CEP20: variants seen among roughly 807,000 people sequenced by gnomAD.
CEP20 encodes the protein centrosomal protein 20, also known as FGFR1OP N-terminal like.
In CEP20, 18 loss-of-function variants were observed where a neutral mutation model predicts 20.0. The observed-to-expected ratio is 0.90, with a 90% CI of 0.62 to 1.34. The LOEUF (loss-of-function observed/expected upper bound fraction) is 1.34, where lower values mean the gene tolerates loss of function less well. Ranked by LOEUF, CEP20 falls within the 40% of genes most tolerant of loss-of-function variation. The pLI is 0.00. For missense variants in CEP20, 215 were observed against 201.6 expected, an observed-to-expected ratio of 1.07 and a Z score of -0.40; for synonymous variants, 77 against 73.7, an observed-to-expected ratio of 1.04 and a Z score of -0.23.
At chr16:15,869,388 G>A (rs957433296) in intron 4 of CEP20, among the ~76,000 whole-genome samples, 5 of 147,806 alleles carry the variant, frequency 3.4e-5, no homozygotes, top group Admixed American at 2.8e-4. Flanking sequence ...TCGGCTCACT[G>A]CAACCTCCAC....
intron 3 of CEP20, among the ~76,000 whole-genome samples, chr16:15,875,864 C>G (rs2044931184): frequency 6.6e-6 from 1 of 151,704 alleles, no homozygotes; most frequent in Non-Finnish European, 1.5e-5. Flanking sequence ...TTTGGGAGGC[C>G]AAGGCAGGAG....
At chr16:15,868,848 T>C (rs74009483) in intron 4 of CEP20, among the ~76,000 whole-genome samples, 10,114 of 152,196 alleles carry the variant, frequency 0.066, 448 homozygotes, top group East Asian at 0.22. Context: ...CTATGCTTGA[T>C]AGATGTGCAA....
At chr16:15,886,770 G>T (rs912339624) in intron 1 of CEP20, among the ~76,000 whole-genome samples, 1 of 152,190 alleles carries the variant, frequency 6.6e-6, no homozygotes, top group Non-Finnish European at 1.5e-5. Flanking sequence ...TTTTCACCGG[G>T]TTTCTTTTGG....
chr16:15,872,363 G>A (rs2044842928), intron 4 of CEP20, among the ~76,000 whole-genome samples: 1 of 151,970 alleles, frequency 6.6e-6, no homozygotes, highest in African/African-American at 2.4e-5. Context: ...AAAACACTGA[G>A]CTATAACCCA....
chr16:15,888,417 G>T, intron 1 of CEP20, 141 bp downstream of exon 1: 1 of 1,125,982 alleles, frequency 8.9e-7, no homozygotes, highest in Non-Finnish European at 1.3e-6. Context: ...GCAGCCAGAC[G>T]CTCCCCGCAG....
At chr16:15,869,852 A>G (rs147666019) in intron 4 of CEP20, among the ~76,000 whole-genome samples, 2 of 152,350 alleles carry the variant, frequency 1.3e-5, no homozygotes, top group East Asian at 3.9e-4. Flanking sequence ...AAGGCACTAC[A>G]CAAAGAGGTT....
chr16:15,879,547 A>G (rs995923997), intron 3 of CEP20, among the ~76,000 whole-genome samples: 33 of 151,766 alleles, frequency 2.2e-4, no homozygotes, highest in Non-Finnish European at 4.6e-4. Flanking sequence ...ACAAAGCCTT[A>G]GAAGGACAAA....
At chr16:15,888,480 G>C in intron 1 of CEP20, 78 bp downstream of exon 1, 1 of 1,585,774 alleles carries the variant, frequency 6.3e-7, no homozygotes, top group East Asian at 2.2e-5. Context: ...TGTTCCGCGC[G>C]CTCTCCTCCC....
chr16:15,879,671 C>T, intron 3 of CEP20, 133 bp downstream of exon 3: 2 of 608,388 alleles, frequency 3.3e-6, no homozygotes, highest in Non-Finnish European at 5.7e-6. Context: ...CACTGCTGCA[C>T]ACCCTGGATT....
chr16:15,873,676 T>C, intron 3 of CEP20, 49 bp from the exon 4 acceptor site: 2 of 1,560,486 alleles, frequency 1.3e-6, no homozygotes, highest in African/African-American at 1.4e-5. Flanking sequence ...TAAATCTGCA[T>C]AAACGGGAAA....
At chr16:15,888,451 C>A in intron 1 of CEP20, 107 bp downstream of exon 1, 1 of 1,458,980 alleles carries the variant, frequency 6.9e-7, no homozygotes, top group East Asian at 2.3e-5. Flanking sequence ...AGAATGACGC[C>A]TGTAAAAGCC....
At chr16:15,876,084 G>A (rs1407599218) in intron 3 of CEP20, among the ~76,000 whole-genome samples, 1 of 149,720 alleles carries the variant, frequency 6.7e-6, no homozygotes, top group Non-Finnish European at 1.5e-5. Context: ...AAAAAAAAGA[G>A]AAAGAAAATA....
intron 3 of CEP20, among the ~76,000 whole-genome samples, chr16:15,876,302 C>T (rs932107540): frequency 6.6e-6 from 1 of 151,424 alleles, no homozygotes; most frequent in Non-Finnish European, 1.5e-5. Context: ...ACGGTGAAAC[C>T]GTCTCTACTA....
intron 4 of CEP20, among the ~76,000 whole-genome samples, chr16:15,868,929 G>T (rs1596985079): frequency 6.6e-6 from 1 of 152,010 alleles, no homozygotes; most frequent in East Asian, 1.9e-4. Context: ...TCTTCGCCAG[G>T]AATGTAGTCC....
intron 2 of CEP20, 61 bp from the exon 3 acceptor site, chr16:15,879,949 T>C (rs937182418): frequency 2.1e-5 from 25 of 1,177,222 alleles, no homozygotes; most frequent in African/African-American, 3.1e-5. Flanking sequence ...AATAAGATTT[T>C]GAAAAGAATC....
intron 2 of CEP20, among the ~76,000 whole-genome samples, chr16:15,881,818 CA>C (rs2045104263): frequency 6.6e-6 from 1 of 152,138 alleles, no homozygotes; most frequent in African/African-American, 2.4e-5. Context: ...ATTTATTTCT[CA>C]AGAAATAAAA....
At chr16:15,879,691 G>A in intron 3 of CEP20, 113 bp downstream of exon 3, 1 of 656,164 alleles carries the variant, frequency 1.5e-6, no homozygotes, top group East Asian at 3.0e-5. Flanking sequence ...TTAGGACAAT[G>A]CTTGACACAC....
intron 4 of CEP20, among the ~76,000 whole-genome samples, chr16:15,867,845 C>T (rs942561019): frequency 2.6e-5 from 4 of 151,708 alleles, no homozygotes; most frequent in Admixed American, 2.0e-4. Context: ...TGGTGGCAGG[C>T]GCCTGTAATC....
At chr16:15,875,305 A>ATT (rs1411857653) in intron 3 of CEP20, among the ~76,000 whole-genome samples, 1 of 152,218 alleles carries the variant, frequency 6.6e-6, no homozygotes, top group African/African-American at 2.4e-5. Context: ...GTTCAAGATG[A>ATT]TTTTTAAATG....
Sources: gnomAD v4.1 joint callset for allele counts (sites outside exome capture counted in the v4.1 genomes callset) on GRCh38, gnomAD v4.1.1 for gene constraint, MANE v1.5 for transcripts, NCBI Gene and HGNC (gene_info 2026-07-23, HGNC 2026-07-21) for gene names.